Variants in MBNL2 observed in about 807,000 individuals in gnomAD.
MBNL2 encodes the protein muscleblind-like protein 2.
In MBNL2, 17 loss-of-function variants were observed where a neutral mutation model predicts 41.9. The observed-to-expected ratio is 0.41, with a 90% CI of 0.28 to 0.61. The LOEUF (loss-of-function observed/expected upper bound fraction) is 0.61. Ranked by LOEUF, MBNL2 falls within the 20% of genes least tolerant of loss-of-function variation. The pLI is 0.35. For synonymous variants in MBNL2, 195 were observed against 182.9 expected (o/e 1.07, Z -0.53); for missense variants, 336 against 505.6 (o/e 0.66, Z 3.22).
chr13:97,236,513 CTT>C (rs202101299), intron 1 of MBNL2, among the ~76,000 whole-genome samples: 37 of 137,926 alleles, frequency 2.7e-4, no homozygotes, highest in Admixed American at 2.9e-4. Context: ...GATATGTGGT[CTT>C]TTTTTTTTTT....
rs1476535413 is a variant in MBNL2, at chr13:97,232,849, CTA to C, written c.-605+10320_-605+10321del. On this transcript the variant is annotated intron_variant, in intron 1 of 8. Coordinates refer to ENST00000679496, the MANE Select transcript of MBNL2 (RefSeq NM_001382683.1). Reference sequence around the variant, plus strand: ...GTCGGCCTTTTTCTTACTCTTGACGCTATGTGTGTGTGTGTGTGTGTGTGTGT... The same window carrying C: ...GTCGGCCTTTTTCTTACTCTTGACGCTGTGTGTGTGTGTGTGTGTGTGTGT... Among the ~76,000 whole-genome samples the C allele has an allele frequency of 2.8e-4, 27 of 97,804 alleles. No homozygotes were observed. In the East Asian group the frequency reaches 4.9e-3, roughly 18 times the overall value. 64.2% of individuals were successfully genotyped at this position (97,804 alleles called of 152,430 possible).
At chr13:97,178,144 G>A in the MBNL2 span, among the ~76,000 whole-genome samples, 1 of 152,174 alleles carries the variant, frequency 6.6e-6, no homozygotes, top group African/African-American at 2.4e-5. Flanking sequence ...TTCTGGCAAA[G>A]AAAATGCGAG....
At chr13:97,376,139 G>C (rs567031251) in intron 8 of MBNL2, among the ~76,000 whole-genome samples, 2 of 152,292 alleles carry the variant, frequency 1.3e-5, no homozygotes, top group African/African-American at 4.8e-5. Flanking sequence ...TCGACAAAGT[G>C]ATGAAACTGG....
chr13:97,239,339 T>C (rs933661531), intron 1 of MBNL2, among the ~76,000 whole-genome samples: 4 of 152,256 alleles, frequency 2.6e-5, no homozygotes, highest in Admixed American at 1.3e-4. Flanking sequence ...ATTTTAAACT[T>C]GAGCCAATGT....
intron 1 of MBNL2, among the ~76,000 whole-genome samples, chr13:97,256,853 G>A (rs529505744): frequency 1.3e-5 from 2 of 152,142 alleles, no homozygotes; most frequent in Admixed American, 6.5e-5. Flanking sequence ...GCACACTTTC[G>A]TTAAATGCTA....
the MBNL2 span, among the ~76,000 whole-genome samples, chr13:97,169,109 A>G: frequency 5.3e-5 from 8 of 152,116 alleles, no homozygotes; most frequent in African/African-American, 1.9e-4. Context: ...GTGCTCAGAG[A>G]TGCCCTCTAC....
intron 2 of MBNL2, among the ~76,000 whole-genome samples, chr13:97,324,392 TAGAC>T (rs2059747588): frequency 6.6e-6 from 1 of 152,252 alleles, no homozygotes; most frequent in Admixed American, 6.5e-5. Flanking sequence ...GTTCGGGAAG[TAGAC>T]AGAAAAGGCC....
chr13:97,363,734 T>C (rs988632877), intron 7 of MBNL2, among the ~76,000 whole-genome samples: 1 of 151,984 alleles, frequency 6.6e-6, no homozygotes, highest in South Asian at 2.1e-4. Context: ...GATGAGAGAA[T>C]AGGGCTGGAG....
At chr13:97,145,984 C>CTTTTG in the MBNL2 span, among the ~76,000 whole-genome samples, 1 of 145,578 alleles carries the variant, frequency 6.9e-6, no homozygotes, top group African/African-American at 2.8e-5. Flanking sequence ...CTTTTCTTTT[C>CTTTTG]TTTTCTTTTC....
At chr13:97,353,095 T>G (rs2062652412) in intron 5 of MBNL2, among the ~76,000 whole-genome samples, 1 of 152,196 alleles carries the variant, frequency 6.6e-6, no homozygotes, top group African/African-American at 2.4e-5. Flanking sequence ...TCAAGCTGCA[T>G]AAAGATTATT....
intron 5 of MBNL2, among the ~76,000 whole-genome samples, chr13:97,354,954 C>A (rs981568479): frequency 2.6e-5 from 4 of 152,144 alleles, no homozygotes; most frequent in African/African-American, 9.7e-5. Flanking sequence ...TTGTAACCTT[C>A]TTTAGCTGAT....
chr13:97,215,636 G>T, the MBNL2 span, among the ~76,000 whole-genome samples: 1 of 151,856 alleles, frequency 6.6e-6, no homozygotes, highest in Non-Finnish European at 1.5e-5. Flanking sequence ...TAAGAAAAAT[G>T]TTTTTTTTCA....
intron 7 of MBNL2, 144 bp downstream of exon 7, chr13:97,357,779 T>C: frequency 1.2e-6 from 1 of 820,794 alleles, no homozygotes; most frequent in South Asian, 1.4e-5. Flanking sequence ...TATCTAAATG[T>C]ATTTACCTTA....
At chr13:97,299,399 A>C (rs1373779021) in intron 2 of MBNL2, among the ~76,000 whole-genome samples, 4 of 152,150 alleles carry the variant, frequency 2.6e-5, no homozygotes, top group Non-Finnish European at 4.4e-5. Context: ...CAAATAAATA[A>C]ATTTATGGAA....
chr13:97,290,682 CA>C (rs144219795), intron 2 of MBNL2, among the ~76,000 whole-genome samples: 21,645 of 114,618 alleles, frequency 0.19, 2,838 homozygotes, highest in African/African-American at 0.45. Context: ...GACTCCGTCT[CA>C]AAAAAAAAAA....
intron 1 of MBNL2, among the ~76,000 whole-genome samples, chr13:97,234,571 T>C (rs955149029): frequency 4.6e-5 from 7 of 152,128 alleles, no homozygotes; most frequent in African/African-American, 1.2e-4. Context: ...CATGATGGGA[T>C]GCTTTAAAAT....
chr13:97,225,897 G>A (rs2041520988), intron 1 of MBNL2, among the ~76,000 whole-genome samples: 2 of 152,218 alleles, frequency 1.3e-5, no homozygotes, highest in Non-Finnish European at 2.9e-5. Flanking sequence ...CTGCTGGGGA[G>A]AGCAAAGAGC....
chr13:97,142,310 TAGAA>T, the MBNL2 span, among the ~76,000 whole-genome samples: 437 of 152,332 alleles, frequency 2.9e-3, 1 homozygote, highest in African/African-American at 0.01. Context: ...CTTGATTTCC[TAGAA>T]AGAATGGAAC....
At chr13:97,304,628 T>C (rs2057953507) in intron 2 of MBNL2, among the ~76,000 whole-genome samples, 1 of 152,188 alleles carries the variant, frequency 6.6e-6, no homozygotes, top group African/African-American at 2.4e-5. Context: ...GATGATCTTA[T>C]GCAAGTCATT....
Sources: gnomAD v4.1 joint callset for allele counts (sites outside exome capture counted in the v4.1 genomes callset) on GRCh38, gnomAD v4.1.1 for gene constraint, MANE v1.5 for transcripts, NCBI Gene and HGNC (gene_info 2026-07-23, HGNC 2026-07-21) for gene names.